The following PPARG variants were observed in gnomAD, a reference collection of about 807,000 sequenced individuals.
PPARG encodes peroxisome proliferator-activated receptor gamma.
Under a neutral mutation model 39.2 loss-of-function variants are expected in PPARG, and 17 were observed. The ratio of observed to expected loss-of-function variants is 0.43; its 90% CI spans 0.30 to 0.65. PPARG has a LOEUF of 0.65. Among genes scored for constraint, PPARG ranks in the 30% least tolerant of loss-of-function variants. The pLI is 0.13. For missense variants in PPARG, 406 were observed against 585.9 expected, an observed-to-expected ratio of 0.69 and a Z score of 3.17; for synonymous variants, 223 against 215.7, an observed-to-expected ratio of 1.03 and a Z score of -0.30.
chr3:12,388,258 T>C (rs2125199956), intron 4 of PPARG, among the ~76,000 whole-genome samples: 1 of 152,302 alleles, frequency 6.6e-6, no homozygotes, highest in South Asian at 2.1e-4. Flanking sequence ...GCATATTCTT[T>C]AAGACATTGC....
intron 1 of PPARG, among the ~76,000 whole-genome samples, chr3:12,309,958 C>T (rs370458614): frequency 1.3e-5 from 2 of 152,100 alleles, no homozygotes; most frequent in Non-Finnish European, 2.9e-5. Flanking sequence ...TGTTTATAAT[C>T]GAATGAATAT....
chr3:12,293,668 G>A (rs2046706030), intron 1 of PPARG, among the ~76,000 whole-genome samples: 1 of 152,180 alleles, frequency 6.6e-6, no homozygotes, highest in Non-Finnish European at 1.5e-5. Flanking sequence ...TGACATTGTA[G>A]GACATCTCAG....
intron 1 of PPARG, among the ~76,000 whole-genome samples, chr3:12,301,033 A>C (rs1220607751): frequency 5.3e-5 from 8 of 152,316 alleles, no homozygotes. Context: ...TTCCTATTTT[A>C]TGTATTGTTT....
intron 1 of PPARG, among the ~76,000 whole-genome samples, chr3:12,304,355 C>T (rs1224511076): frequency 4.6e-5 from 7 of 152,156 alleles, no homozygotes; most frequent in Non-Finnish European, 7.3e-5. Flanking sequence ...CAAACTGTTA[C>T]GTTTAACAGC....
intron 5 of PPARG, among the ~76,000 whole-genome samples, chr3:12,395,706 T>C (rs1265844695): frequency 6.6e-6 from 1 of 152,202 alleles, no homozygotes; most frequent in Non-Finnish European, 1.5e-5. Context: ...TAAACACACG[T>C]TCTTAATTAT....
At chr3:12,416,545 A>C (rs1393963003) in intron 6 of PPARG, among the ~76,000 whole-genome samples, 159 bp from the exon 7 acceptor site, 2 of 152,196 alleles carry the variant, frequency 1.3e-5, no homozygotes, top group East Asian at 3.8e-4. Context: ...AAGATGAATA[A>C]AAGAACTTGA....
At chr3:12,308,343 C>CAAAAAAAAAA (rs57225468) in intron 1 of PPARG, among the ~76,000 whole-genome samples, 1 of 37,286 alleles carries the variant, frequency 2.7e-5, no homozygotes, top group Non-Finnish European at 4.7e-5. Context: ...GACCCTGTCT[C>CAAAAAAAAAA]AAAAAAAAAA....
rs1256086420 is a variant in PPARG, at chr3:12,328,085, A to C, written c.-9+15632A>C. 7.5e-6 allele frequency: 11 copies of C among 1,474,770 alleles called. No homozygotes were observed. The Admixed American group carries it at 1.8e-4, about 25-fold the overall frequency. 91.4% of individuals were successfully genotyped at this position (1,474,770 alleles called of 1,614,324 possible). A position where few individuals can be genotyped will look rare whatever the true frequency, so the allele number is the denominator to read the frequency against. ...ATCATGACTTTGGTAGATGAGACTA[A>C]CATGTATGAAGGTGTAGGAAGAATG... On this transcript the variant is annotated intron_variant, in intron 2 of 7. Transcript: ENST00000651735.
At chr3:12,388,090 T>C (rs1007915748) in intron 4 of PPARG, among the ~76,000 whole-genome samples, 6 of 152,134 alleles carry the variant, frequency 3.9e-5, no homozygotes, top group African/African-American at 1.4e-4. Flanking sequence ...ATGATCACAA[T>C]GGCAAACATC....
chr3:12,399,683 G>C lies in PPARG; in HGVS notation c.530-6199G>C, dbSNP rs140679519. On this transcript the variant is annotated intron_variant, in intron 5 of 7. Coordinates refer to ENST00000651735, the MANE Select transcript of PPARG (RefSeq NM_138711.6). ...AGGGAGGGAGGGAAAAAAGGAAAAA[G>C]GAAGGGAGGAAAAGAAGGAAGGAAA... Among the ~76,000 whole-genome samples the C allele has an allele frequency of 3.7e-3, 567 of 151,538 alleles. 4 individuals carry two copies. The highest frequency in any genetic ancestry group is 0.013 in the African/African-American group (539 of 41,320).
intron 7 of PPARG, 35 bp downstream of exon 7, chr3:12,417,189 G>T (rs992146630): frequency 1.2e-6 from 2 of 1,603,404 alleles, no homozygotes; most frequent in African/African-American, 1.3e-5. Context: ...ATGAAAGAGG[G>T]TGGGATGATG....
At chr3:12,298,106 C>T (rs997078107) in intron 1 of PPARG, among the ~76,000 whole-genome samples, 4 of 150,532 alleles carry the variant, frequency 2.7e-5, no homozygotes, top group East Asian at 1.9e-4. Context: ...GAGACCATCC[C>T]GGCTAAAACG....
chr3:12,295,672 C>A (rs2046761666), intron 1 of PPARG, among the ~76,000 whole-genome samples: 1 of 151,978 alleles, frequency 6.6e-6, no homozygotes, highest in South Asian at 2.1e-4. Context: ...CACCACCACA[C>A]CTGGCTAATT....
intron 1 of PPARG, among the ~76,000 whole-genome samples, chr3:12,297,380 G>A (rs1408749920): frequency 3.3e-5 from 5 of 152,116 alleles, no homozygotes; most frequent in Admixed American, 2.6e-4. Flanking sequence ...GTGAGATATG[G>A]AGGGCTTTTT....
At chr3:12,379,298 C>T (rs2125169060) in intron 2 of PPARG, among the ~76,000 whole-genome samples, 1 of 152,254 alleles carries the variant, frequency 6.6e-6, no homozygotes, top group Middle Eastern at 3.4e-3. Context: ...AGCCACTGTG[C>T]CTGGCCTGTA....
chr3:12,372,375 T>C (rs2049249740), intron 2 of PPARG, among the ~76,000 whole-genome samples: 1 of 152,226 alleles, frequency 6.6e-6, no homozygotes, highest in Non-Finnish European at 1.5e-5. Context: ...CCAGTTCTAC[T>C]GCTTAGTTAC....
chr3:12,331,213 G>T (rs1451486962), intron 2 of PPARG, among the ~76,000 whole-genome samples: 1 of 152,210 alleles, frequency 6.6e-6, no homozygotes, highest in African/African-American at 2.4e-5. Context: ...GATGAGTGCT[G>T]TAAGGGAGAG....
Position 12,347,381 on chromosome 3 carries a change from C to T in PPARG, c.-8-32323C>T, listed in dbSNP as rs117106352. 1.2e-4 allele frequency among the ~76,000 whole-genome samples: 18 copies of T among 151,940 alleles called. No homozygotes were observed. In the East Asian group the frequency reaches 3.3e-3, roughly 28 times the overall value. On this transcript the variant is annotated intron_variant, in intron 2 of 7. Transcript: ENST00000651735. Reference sequence around the variant, plus strand: ...ACAGATACATTGAACATTGACCTTCCTTTGTCTGCTTTTATGGGACTATCC... The same window carrying T: ...ACAGATACATTGAACATTGACCTTCTTTTGTCTGCTTTTATGGGACTATCC...
intron 1 of PPARG, chr3:12,306,094 GT>G (rs2047055949): frequency 6.6e-6 from 1 of 152,204 alleles, no homozygotes; most frequent in Non-Finnish European, 1.5e-5. Flanking sequence ...CCAGGGACTG[GT>G]TTCATGGAAG....
Sources: gnomAD v4.1 joint callset for allele counts (sites outside exome capture counted in the v4.1 genomes callset) on GRCh38, gnomAD v4.1.1 for gene constraint, MANE v1.5 for transcripts, NCBI Gene and HGNC (gene_info 2026-07-23, HGNC 2026-07-21) for gene names.